Variants in MBOAT1 observed in about 807,000 individuals in gnomAD.
MBOAT1 encodes the protein membrane bound glycerophospholipid O-acyltransferase 1.
MBOAT1 carries 67 observed loss-of-function variants against 64.4 expected under a neutral mutation model. The observed-to-expected ratio is 1.04, with a 90% confidence interval of 0.85 to 1.27. The LOEUF (loss-of-function observed/expected upper bound fraction) is 1.27, where lower values mean the gene tolerates loss of function less well. Among genes scored for constraint, MBOAT1 ranks in the 50% most tolerant of loss-of-function variants. The probability of loss-of-function intolerance (pLI) is 0.00; values close to 1 mark genes in which losing one functional copy is unlikely to be tolerated. For synonymous variants in MBOAT1, 229 were observed against 218.9 expected (o/e 1.05, Z -0.41); for missense variants, 563 against 604.6 (o/e 0.93, Z 0.72).
At chr6:20,176,355 AG>A (rs1052782542) in intron 1 of MBOAT1, among the ~76,000 whole-genome samples, 40 of 152,192 alleles carry the variant, frequency 2.6e-4, no homozygotes, top group Admixed American at 2.2e-3. Flanking sequence ...AGAGCTATTT[AG>A]AACTTCACTA....
chr6:20,109,202 C>A (rs1007549505), intron 12 of MBOAT1, among the ~76,000 whole-genome samples: 49 of 152,162 alleles, frequency 3.2e-4, no homozygotes, highest in Non-Finnish European at 4.6e-4. Flanking sequence ...CAGCCGCATC[C>A]CCCGCTCCTG....
chr6:20,146,189 G>A (rs1385422001), intron 3 of MBOAT1, among the ~76,000 whole-genome samples: 1 of 152,082 alleles, frequency 6.6e-6, no homozygotes, highest in Non-Finnish European at 1.5e-5. Flanking sequence ...CCATAAAACA[G>A]GGAAGAGGTA....
At chr6:20,159,502 T>C (rs1761786917) in intron 1 of MBOAT1, among the ~76,000 whole-genome samples, 1 of 152,052 alleles carries the variant, frequency 6.6e-6, no homozygotes. Context: ...CTAGAAGACA[T>C]TGTGTTAAAT....
At chr6:20,143,309 C>G (rs1397177389) in intron 4 of MBOAT1, among the ~76,000 whole-genome samples, 1 of 152,166 alleles carries the variant, frequency 6.6e-6, no homozygotes, top group Non-Finnish European at 1.5e-5. Context: ...TACCATGTGA[C>G]CAATCAGAAT....
chr6:20,104,358 TTG>T (rs956953977), intron 12 of MBOAT1, among the ~76,000 whole-genome samples: 1 of 152,214 alleles, frequency 6.6e-6, no homozygotes, highest in African/African-American at 2.4e-5. Flanking sequence ...GGTTCTTCTT[TTG>T]TGTCTTATGA....
At chr6:20,135,050 G>A (rs1443842573) in intron 4 of MBOAT1, among the ~76,000 whole-genome samples, 4 of 151,786 alleles carry the variant, frequency 2.6e-5, no homozygotes, top group South Asian at 2.1e-4. Flanking sequence ...TGAGGCCTCC[G>A]AACTTGAGCT....
At chr6:20,154,289 T>C (rs973513260) in intron 1 of MBOAT1, among the ~76,000 whole-genome samples, 2 of 152,190 alleles carry the variant, frequency 1.3e-5, no homozygotes, top group African/African-American at 4.8e-5. Context: ...CCCAGCACTT[T>C]GGGAAGCCGA....
chr6:20,175,523 T>C (rs923016906), intron 1 of MBOAT1, among the ~76,000 whole-genome samples: 10 of 152,164 alleles, frequency 6.6e-5, no homozygotes, highest in African/African-American at 2.2e-4. Flanking sequence ...CTCGGCTCAC[T>C]GCAACCTCTG....
At chr6:20,151,162 A>T (rs1389045460) in intron 3 of MBOAT1, 23 bp downstream of exon 3, 1 of 1,550,756 alleles carries the variant, frequency 6.4e-7, no homozygotes. Context: ...CTCACCTTGC[A>T]TTGTTCATTC....
In MBOAT1 at chr6:20,158,016, C is replaced by G. The variant is rs867295513; in HGVS notation, c.100-5247G>C. Among the ~76,000 whole-genome samples, 3 of 151,756 alleles carry G rather than the reference C, an allele frequency of 2.0e-5. No individual in the cohort carries two copies. The East Asian group carries it at 5.8e-4, about 29-fold the overall frequency. On this transcript the variant is annotated intron_variant, in intron 1 of 12. Transcript: ENST00000324607. Reference sequence around the variant, plus strand: ...ATTAAAAACACAAAAATTAGCCAGGCGTGATGGCATGTACCTGTAGTCCCA... The same window carrying G: ...ATTAAAAACACAAAAATTAGCCAGGGGTGATGGCATGTACCTGTAGTCCCA...
At chr6:20,179,056 C>T (rs920713035) in intron 1 of MBOAT1, among the ~76,000 whole-genome samples, 2 of 151,938 alleles carry the variant, frequency 1.3e-5, no homozygotes, top group Non-Finnish European at 2.9e-5. Context: ...GTATTAAGCC[C>T]AGCATTCATT....
At chr6:20,168,599 G>GAGAGAAGAGAAGAGA (rs149730371) in intron 1 of MBOAT1, among the ~76,000 whole-genome samples, 1,600 of 84,684 alleles carry the variant, frequency 0.019, 21 homozygotes, top group Middle Eastern at 0.038. Flanking sequence ...GGGAGAGAAA[G>GAGAGAAGAGAAGAGA]AGAGAAGAGA....
intron 4 of MBOAT1, among the ~76,000 whole-genome samples, chr6:20,131,922 G>A (rs1444499828): frequency 1.3e-5 from 2 of 150,334 alleles, no homozygotes; most frequent in Non-Finnish European, 3.0e-5. Context: ...TCACTCTGTT[G>A]CCCAGGGTGG....
chr6:20,138,713 C>G (rs1054235582), intron 4 of MBOAT1, among the ~76,000 whole-genome samples: 1 of 152,114 alleles, frequency 6.6e-6, no homozygotes, highest in Non-Finnish European at 1.5e-5. Context: ...GATCAGGGGA[C>G]GGTTGTTAAT....
At chr6:20,199,901 G>T (rs1763071524) in intron 1 of MBOAT1, among the ~76,000 whole-genome samples, 1 of 152,274 alleles carries the variant, frequency 6.6e-6, no homozygotes, top group South Asian at 2.1e-4. Flanking sequence ...CCAGAGGGCG[G>T]AGGTTGCAGT....
In MBOAT1 at chr6:20,101,111, T is replaced by C. The variant is rs1364136679; in HGVS notation, c.*1175A>G. Among the ~76,000 whole-genome samples the C allele has an allele frequency of 6.6e-6, 1 of 152,162 alleles. No individual in the cohort carries two copies. Among genetic ancestry groups the C allele is most frequent in the East Asian group, 1.9e-4 (1 of 5,188 alleles). On this transcript the variant is annotated 3_prime_UTR_variant, in exon 13 of 13. Transcript: ENST00000324607. ...ATGAGGGAGAAAAGAGAGAAACAAC[T>C]GCTTCTTCTTACCAAACTTCTATAT... is the stretch of plus-strand genomic sequence containing the variant.
At chr6:20,189,415 G>C (rs988850403) in intron 1 of MBOAT1, among the ~76,000 whole-genome samples, 1 of 151,870 alleles carries the variant, frequency 6.6e-6, no homozygotes, top group African/African-American at 2.4e-5. Context: ...TAAGAGACAG[G>C]GTCTCACTAT....
intron 4 of MBOAT1, among the ~76,000 whole-genome samples, chr6:20,143,156 C>T (rs971617556): frequency 6.6e-6 from 1 of 152,246 alleles, no homozygotes; most frequent in Non-Finnish European, 1.5e-5. Context: ...CACAACTAAA[C>T]TCCCGGGAAG....
intron 1 of MBOAT1, among the ~76,000 whole-genome samples, chr6:20,167,790 C>T (rs1762054704): frequency 1.3e-5 from 2 of 152,206 alleles, no homozygotes; most frequent in Non-Finnish European, 2.9e-5. Context: ...CAACTACTCT[C>T]ACAGAATTAA....
Sources: gnomAD v4.1 joint callset for allele counts (sites outside exome capture counted in the v4.1 genomes callset) on GRCh38, gnomAD v4.1.1 for gene constraint, MANE v1.5 for transcripts, NCBI Gene and HGNC (gene_info 2026-07-23, HGNC 2026-07-21) for gene names.